The following USP10 variants were observed in gnomAD, a reference collection of about 807,000 sequenced individuals.
The protein encoded by USP10 is ubiquitin specific peptidase 10.
Under a neutral mutation model 84.5 loss-of-function variants are expected in USP10, and 22 were observed. The observed-to-expected ratio is 0.26, with a 90% CI of 0.19 to 0.37. USP10 has a LOEUF of 0.37. Ranked by LOEUF, USP10 falls within the 10% of genes least tolerant of loss-of-function variation. USP10 has a pLI of 1.00. For synonymous variants in USP10, 454 were observed against 387.6 expected, an observed-to-expected ratio of 1.17 and a Z score of -2.01; for missense variants, 1,019 against 998.9, an observed-to-expected ratio of 1.02 and a Z score of -0.27.
At chr16:84,778,840 A>G in intron 13 of USP10, 55 bp from the exon 14 acceptor site, 1 of 1,539,658 alleles carries the variant, frequency 6.5e-7, no homozygotes, top group Non-Finnish European at 8.8e-7. Context: ...GGAGACCTGT[A>G]ATGATTCGTG....
intron 1 of USP10, among the ~76,000 whole-genome samples, chr16:84,712,093 C>G (rs941399693): frequency 6.6e-6 from 1 of 152,272 alleles, no homozygotes. Context: ...TGGGTGGAAA[C>G]ATAGACTTAA....
At chr16:84,704,618 T>TG (rs1291377700) in intron 1 of USP10, 2 of 1,241,346 alleles carry the variant, frequency 1.6e-6, no homozygotes, top group East Asian at 2.6e-5. Flanking sequence ...AGGTAGCCCT[T>TG]GGGGTATGTG....
rs143549321 is a variant in USP10, at chr16:84,758,588, A to G, written c.1193-128A>G. The stretch of plus-strand genomic sequence containing the variant: ...ACTGAATGAAGCCTTAACAGTATGC[A>G]TTTTCTTTGGCTGTGTGTTTTACTG... On this transcript the variant is annotated intron_variant, in intron 4 of 13. Transcript: ENST00000219473. The G allele has an allele frequency of 1.4e-3, 943 of 677,928 alleles. 9 individuals carry two copies. In the African/African-American group the frequency reaches 0.015, roughly 11 times the overall value. 42.0% of individuals were successfully genotyped at this position (677,928 alleles called of 1,614,324 possible).
intron 8 of USP10, 66 bp from the exon 9 acceptor site, chr16:84,762,923 T>C: frequency 1.0e-6 from 1 of 960,188 alleles, no homozygotes; most frequent in East Asian, 2.5e-5. Flanking sequence ...TTGCAAGTAC[T>C]GCATGTCCTG....
chr16:84,775,333 A>G (rs1914889859), intron 13 of USP10, 108 bp downstream of exon 13: 2 of 1,109,258 alleles, frequency 1.8e-6, no homozygotes. Flanking sequence ...TGCTGTACTC[A>G]GGTATCCCTG....
In USP10 at chr16:84,718,718, T is replaced by C. The variant is rs1422730806; in HGVS notation, c.22-14717T>C. Among the ~76,000 whole-genome samples the C allele has an allele frequency of 3.4e-5, 5 of 148,954 alleles. No individual in the cohort carries two copies. The South Asian group carries it at 7.1e-4, about 21-fold the overall frequency. On this transcript the variant is annotated intron_variant, in intron 1 of 13. Transcript: ENST00000219473. Reference sequence around the variant, plus strand: ...TTGCAGTGAACTGAGATTGCGCCACTGCACTCCAGGTTGGGCAACAGAGCA... The same window carrying C: ...TTGCAGTGAACTGAGATTGCGCCACCGCACTCCAGGTTGGGCAACAGAGCA...
rs762175594 is a variant in USP10 at position 84,745,169 on chromosome 16, G to A, written c.688G>A (p.Gly230Arg). The change falls in exon 4 of 14, where the codon GGA (glycine) becomes AGA (arginine). Residue 230 changes from glycine to arginine, a missense_variant. Physicochemically the swap from Gly to Arg is moderately radical, Grantham distance 125. Transcript: ENST00000219473. ...SDIVPDSPFP[G>R]ALGSDTRTAG... Reference sequence around the variant, plus strand: ...CATTGTGCCTGACAGTCCTTTCCCCGGAGCACTCGGCAGTGACACCAGGAC... The same window carrying A: ...CATTGTGCCTGACAGTCCTTTCCCCAGAGCACTCGGCAGTGACACCAGGAC... 75 of 1,613,120 alleles carry A rather than the reference G, an allele frequency of 4.6e-5. 1 individual carries two copies. In the South Asian group the frequency reaches 4.7e-4, roughly 10 times the overall value.
chr16:84,747,302 A>G (rs1911344213), intron 4 of USP10, among the ~76,000 whole-genome samples: 1 of 152,222 alleles, frequency 6.6e-6, no homozygotes. Flanking sequence ...CTTCATTACC[A>G]GGATGTAGCA....
At chr16:84,746,455 A>G (rs974336290) in intron 4 of USP10, among the ~76,000 whole-genome samples, 7 of 152,246 alleles carry the variant, frequency 4.6e-5, no homozygotes, top group East Asian at 1.9e-4. Flanking sequence ...GGTGCAGCCT[A>G]TTACTCCCGG....
chr16:84,768,120 C>A, intron 10 of USP10, 73 bp from the exon 11 acceptor site: 1 of 1,440,852 alleles, frequency 6.9e-7, no homozygotes, highest in Non-Finnish European at 9.3e-7. Flanking sequence ...AGTGTTTATT[C>A]CCTTGGTTAA....
chr16:84,729,663 G>A (rs966111542), intron 1 of USP10, among the ~76,000 whole-genome samples: 6 of 152,158 alleles, frequency 3.9e-5, no homozygotes, highest in Admixed American at 6.5e-5. Context: ...TTATAAAATC[G>A]AAAGGACCGG....
chr16:84,715,647 T>TA (rs1298184129), intron 1 of USP10, among the ~76,000 whole-genome samples: 30 of 151,210 alleles, frequency 2.0e-4, no homozygotes, highest in Non-Finnish European at 2.2e-4. Context: ...CTTTTTTTTT[T>TA]AAAAAAACAA....
chr16:84,732,605 C>T (rs1235040872), intron 1 of USP10: 1 of 306,334 alleles, frequency 3.3e-6, no homozygotes, highest in Non-Finnish European at 6.4e-6. Context: ...CGCCACCACG[C>T]CTGGCTAATT....
At chr16:84,758,393 C>G (rs1912832391) in intron 4 of USP10, among the ~76,000 whole-genome samples, 1 of 152,166 alleles carries the variant, frequency 6.6e-6, no homozygotes, top group Non-Finnish European at 1.5e-5. Context: ...CTGTATCTCT[C>G]AAATCTATTC....
At chr16:84,771,484 A>C (rs1914444458) in intron 11 of USP10, among the ~76,000 whole-genome samples, 1 of 152,152 alleles carries the variant, frequency 6.6e-6, no homozygotes, top group Non-Finnish European at 1.5e-5. Context: ...AACCAGAGTG[A>C]GATCCTGTCT....
Position 84,762,979 on chromosome 16 carries a change from A to C in USP10, c.1555-10A>C, listed in dbSNP as rs771335105. 2.5e-6 allele frequency: 4 copies of C among 1,584,490 alleles called. No individual in the cohort carries two copies. The South Asian group carries it at 4.5e-5, about 18-fold the overall frequency. On this transcript the variant is annotated splice_polypyrimidine_tract_variant and intron_variant, in intron 8 of 13. Coordinates refer to ENST00000219473, the MANE Select transcript of USP10 (RefSeq NM_005153.3). ...GTTCACAGTAACGTGATTATATTTG[A>C]CCTTTTCAGGGTCGACAAGAAGATG...
intron 1 of USP10, among the ~76,000 whole-genome samples, chr16:84,712,613 C>T (rs1390836372): frequency 1.3e-5 from 2 of 152,096 alleles, no homozygotes; most frequent in East Asian, 1.9e-4. Context: ...TGCAAGACCC[C>T]GAGGGGCAGA....
intron 1 of USP10, among the ~76,000 whole-genome samples, chr16:84,709,783 C>T (rs1906037936): frequency 6.6e-6 from 1 of 152,068 alleles, no homozygotes; most frequent in African/African-American, 2.4e-5. Flanking sequence ...GAGAAGCACA[C>T]GGACAAGGGC....
rs572439647 is a variant in USP10, at chr16:84,751,056, C to G, written c.1192+5383C>G. The stretch of plus-strand genomic sequence containing the variant: ...TGTGCTGCTTTAATGATGTTTCAGT[C>G]AACAACAGACCGCATGTACGACAGT... On this transcript the variant is annotated intron_variant, in intron 4 of 13. Coordinates refer to ENST00000219473, the MANE Select transcript of USP10 (RefSeq NM_005153.3). 5.9e-5 allele frequency among the ~76,000 whole-genome samples: 9 copies of G among 152,320 alleles called. No individual in the cohort carries two copies. In the South Asian group the frequency reaches 1.7e-3, roughly 28 times the overall value.
Sources: gnomAD v4.1 joint callset for allele counts (sites outside exome capture counted in the v4.1 genomes callset) on GRCh38, gnomAD v4.1.1 for gene constraint, MANE v1.5 for transcripts, NCBI Gene and HGNC (gene_info 2026-07-23, HGNC 2026-07-21) for gene names.